Variants in KIF9 observed in about 807,000 individuals in gnomAD.
KIF9 encodes kinesin family member 9.
KIF9 carries 68 observed loss-of-function variants against 94.8 expected under a neutral mutation model. The ratio of observed to expected loss-of-function variants is 0.72; its 90% CI spans 0.59 to 0.88. KIF9 has a LOEUF of 0.88. Among genes scored for constraint, KIF9 ranks in the 40% least tolerant of loss-of-function variants. The probability of loss-of-function intolerance (pLI) is 0.00; values close to 1 mark genes in which losing one functional copy is unlikely to be tolerated. For missense variants in KIF9, 882 were observed against 982.5 expected, an observed-to-expected ratio of 0.90 and a Z score of 1.37; for synonymous variants, 343 against 362.1, an observed-to-expected ratio of 0.95 and a Z score of 0.60.
At chr3:47,250,672 A>G (rs1700217630) in intron 10 of KIF9, 2 of 367,804 alleles carry the variant, frequency 5.4e-6, no homozygotes, top group South Asian at 4.1e-5. Context: ...GTCATTTTAT[A>G]CTCGATATAC....
intron 1 of KIF9, among the ~76,000 whole-genome samples, chr3:47,280,773 G>A (rs1215033914): frequency 1.3e-5 from 2 of 152,108 alleles, no homozygotes; most frequent in Admixed American, 6.5e-5. Flanking sequence ...ACATGCACAC[G>A]CAGTCACCCC....
Position 47,243,098 on chromosome 3 carries a change from A to G in KIF9, c.1662T>C (p.Ile554=). Residue 554 remains isoleucine, a synonymous_variant, in exon 16 of 21, where the codon ATT becomes ATC. Coordinates refer to ENST00000684063, the MANE Select transcript of KIF9 (RefSeq NM_182902.4). The part of the protein sequence containing the change: ...MLSRDRETSS[I]EPLPSDSPKE... ...TCGGGGAGTCTGAGGGAAGGGGCTCAATGCTGGAAGTTTCCCGGTCCCGCG... is the reference window on the plus strand; with the variant it reads ...TCGGGGAGTCTGAGGGAAGGGGCTCGATGCTGGAAGTTTCCCGGTCCCGCG... 6.2e-7 allele frequency: 1 copy of G among 1,613,714 alleles called. No homozygotes were observed. Among genetic ancestry groups the G allele is most frequent in the East Asian group, 2.2e-5 (1 of 44,882 alleles).
intron 8 of KIF9, 39 bp from the exon 9 acceptor site, chr3:47,264,389 G>A (rs747828019): frequency 4.6e-5 from 71 of 1,557,290 alleles, no homozygotes; most frequent in Non-Finnish European, 6.0e-5. Flanking sequence ...TGAACCATGT[G>A]TTTTTTCTGC....
intron 1 of KIF9, chr3:47,282,175 G>A (rs1199647898): frequency 5.1e-6 from 5 of 984,906 alleles, no homozygotes; most frequent in African/African-American, 1.7e-5. Flanking sequence ...TGATCCCAAA[G>A]CCCCCTCTAG....
intron 12 of KIF9, 145 bp from the exon 13 acceptor site, chr3:47,246,397 A>G: frequency 2.1e-6 from 1 of 473,306 alleles, no homozygotes. Context: ...ACAGCCTCTC[A>G]GCGAAGTGGC....
chr3:47,263,273 T>C (rs1003188293), intron 9 of KIF9, among the ~76,000 whole-genome samples: 2 of 152,188 alleles, frequency 1.3e-5, no homozygotes, highest in African/African-American at 4.8e-5. Flanking sequence ...TGCTCAGCTG[T>C]GTGGACTCAC....
chr3:47,261,784 G>T (rs982385131), intron 9 of KIF9, among the ~76,000 whole-genome samples: 6 of 152,180 alleles, frequency 3.9e-5, no homozygotes, highest in Non-Finnish European at 7.3e-5. Context: ...GAGCCCTCAA[G>T]AAGACGTCTC....
intron 4 of KIF9, 43 bp downstream of exon 4, chr3:47,273,509 G>A: frequency 6.8e-7 from 1 of 1,462,812 alleles, no homozygotes; most frequent in Non-Finnish European, 9.4e-7. Flanking sequence ...ATGGCAGAGA[G>A]AGGGAACCTG....
At chr3:47,261,744 T>C (rs921018941) in intron 9 of KIF9, among the ~76,000 whole-genome samples, 1 of 152,174 alleles carries the variant, frequency 6.6e-6, no homozygotes, top group African/African-American at 2.4e-5. Context: ...ATAAGGTGTA[T>C]ATGCGCTCTG....
Position 47,271,432 on chromosome 3 carries a change from T to A in KIF9, c.396A>T (p.Thr132=). 1 of 1,614,056 alleles carries A rather than the reference T, an allele frequency of 6.2e-7. No individual in the cohort carries two copies. The highest frequency in any genetic ancestry group is 8.5e-7 in the Non-Finnish European group (1 of 1,179,988). ...AGGAAACACGCACAGTGATGGCATG[T>A]GTGGGGCGTTCTTCGATCATCCTAA... ...QVFRMIEERP[T]HAITVRVSYL... Residue 132 remains threonine (T), a synonymous_variant, in exon 5 of 21, where the codon ACA becomes ACT. Transcript: ENST00000684063.
intron 10 of KIF9, among the ~76,000 whole-genome samples, chr3:47,250,212 A>G (rs1353816204): frequency 6.6e-6 from 1 of 152,174 alleles, no homozygotes; most frequent in East Asian, 1.9e-4. Context: ...GCTGCCCGGT[A>G]TGGTAATGAT....
chr3:47,259,603 C>G (rs1320387229), intron 9 of KIF9, among the ~76,000 whole-genome samples: 1 of 151,434 alleles, frequency 6.6e-6, no homozygotes, highest in Non-Finnish European at 1.5e-5. Context: ...TAGGAGACTC[C>G]ATTTTGTTAT....
intron 13 of KIF9, 199 bp from the exon 14 acceptor site, chr3:47,245,710 C>G: frequency 1.7e-6 from 1 of 584,842 alleles, no homozygotes; most frequent in Non-Finnish European, 3.1e-6. Flanking sequence ...TGTCCGACCC[C>G]CATACCCACA....
At chr3:47,230,987 C>T (rs1228121989) in intron 20 of KIF9, among the ~76,000 whole-genome samples, 2 of 151,896 alleles carry the variant, frequency 1.3e-5, no homozygotes, top group Non-Finnish European at 2.9e-5. Context: ...TGCCGTAAGC[C>T]GAGATTGCGC....
At chr3:47,279,622 ATT>A (rs1184305219) in intron 1 of KIF9, among the ~76,000 whole-genome samples, 3 of 146,748 alleles carry the variant, frequency 2.0e-5, no homozygotes, top group Admixed American at 6.8e-5. Flanking sequence ...ATTTTATTTT[ATT>A]TTTTTTTTTT....
chr3:47,249,725 A>G (rs541630330), intron 10 of KIF9, among the ~76,000 whole-genome samples: 1 of 152,290 alleles, frequency 6.6e-6, no homozygotes, highest in South Asian at 2.1e-4. Context: ...ATCTTTGTTC[A>G]AAAGCTTCTA....
intron 20 of KIF9, among the ~76,000 whole-genome samples, chr3:47,229,953 T>C (rs1575898469): frequency 6.6e-6 from 1 of 152,208 alleles, no homozygotes; most frequent in East Asian, 1.9e-4. Flanking sequence ...AGGCTGGTCC[T>C]GAACTCCTCA....
At chr3:47,258,389 G>C (rs984504757) in intron 9 of KIF9, among the ~76,000 whole-genome samples, 7 of 152,174 alleles carry the variant, frequency 4.6e-5, no homozygotes, top group Admixed American at 4.6e-4. Flanking sequence ...GGGGCTACAG[G>C]TGTGAGCCAC....
At chr3:47,279,294 G>T (rs980019867) in intron 1 of KIF9, among the ~76,000 whole-genome samples, 5 of 151,010 alleles carry the variant, frequency 3.3e-5, no homozygotes, top group Non-Finnish European at 5.9e-5. Context: ...CCAACATGAC[G>T]AAACCCTGTT....
Sources: allele counts gnomAD v4.1 joint callset (sites outside exome capture counted in the v4.1 genomes callset), GRCh38; gene constraint gnomAD v4.1.1; transcripts MANE v1.5; gene names NCBI Gene and HGNC (gene_info 2026-07-23, HGNC 2026-07-21).